FYN: variants seen among roughly 807,000 people sequenced by gnomAD.
FYN encodes FYN proto-oncogene, Src family tyrosine kinase.
In FYN, 10 loss-of-function variants were observed where a neutral mutation model predicts 70.2. The observed-to-expected ratio is 0.14, with a 90% confidence interval of 0.09 to 0.24. The LOEUF (loss-of-function observed/expected upper bound fraction) is 0.24. Among genes scored for constraint, FYN ranks in the 10% least tolerant of loss-of-function variants. The probability of loss-of-function intolerance (pLI) is 1.00; values close to 1 mark genes in which losing one functional copy is unlikely to be tolerated. For synonymous variants in FYN, 236 were observed against 248.6 expected, an observed-to-expected ratio of 0.95 and a Z score of 0.48; for missense variants, 319 against 673.1, an observed-to-expected ratio of 0.47 and a Z score of 5.82.
chr6:111,763,394 A>C (rs1803086440), intron 3 of FYN, among the ~76,000 whole-genome samples: 1 of 152,224 alleles, frequency 6.6e-6, no homozygotes, highest in African/African-American at 2.4e-5. Context: ...TTTTTGGCTT[A>C]CACTTTACTA....
intron 6 of FYN, among the ~76,000 whole-genome samples, chr6:111,705,939 C>T (rs1014458622): frequency 1.3e-5 from 2 of 152,178 alleles, no homozygotes; most frequent in African/African-American, 2.4e-5. Flanking sequence ...GGAGCCATCA[C>T]GGTGGACCCT....
intron 3 of FYN, among the ~76,000 whole-genome samples, chr6:111,759,476 GC>G (rs1393209901): frequency 6.6e-6 from 1 of 152,212 alleles, no homozygotes; most frequent in Non-Finnish European, 1.5e-5. Context: ...CAGCCCTCGT[GC>G]AGTGGTGCTA....
At chr6:111,855,907 T>C (rs1256178576) in intron 1 of FYN, among the ~76,000 whole-genome samples, 1 of 152,236 alleles carries the variant, frequency 6.6e-6, no homozygotes, top group Non-Finnish European at 1.5e-5. Flanking sequence ...GAACTCAGTG[T>C]TCAAGATTTA....
chr6:111,855,870 G>C (rs1773811457), intron 1 of FYN, among the ~76,000 whole-genome samples: 1 of 152,184 alleles, frequency 6.6e-6, no homozygotes, highest in South Asian at 2.1e-4. Context: ...CAAAAGCAAA[G>C]GAGGAACTGA....
chr6:111,741,362 T>C (rs1399111293), intron 3 of FYN, among the ~76,000 whole-genome samples: 3 of 152,222 alleles, frequency 2.0e-5, no homozygotes, highest in Non-Finnish European at 4.4e-5. Context: ...CAGTGGATGC[T>C]AATGGCTATG....
At chr6:111,830,032 A>G (rs1010573426) in intron 2 of FYN, among the ~76,000 whole-genome samples, 7 of 152,166 alleles carry the variant, frequency 4.6e-5, no homozygotes, top group Non-Finnish European at 2.9e-5. Flanking sequence ...TTTTTTTAAA[A>G]AGTGTTTCTA....
chr6:111,724,029 C>T (rs1801076528), intron 3 of FYN, among the ~76,000 whole-genome samples: 1 of 152,178 alleles, frequency 6.6e-6, no homozygotes, highest in South Asian at 2.1e-4. Flanking sequence ...GTCTGGATTA[C>T]AGCTGTGAAG....
At chr6:111,851,469 C>T (rs1773684728) in intron 1 of FYN, among the ~76,000 whole-genome samples, 1 of 152,190 alleles carries the variant, frequency 6.6e-6, no homozygotes, top group African/African-American at 2.4e-5. Flanking sequence ...CAACTTCTGA[C>T]AGAGGCAACC....
rs558757490 is a variant in FYN at position 111,684,011 on chromosome 6, G to A, written c.1274-9381C>T. 4.6e-5 allele frequency among the ~76,000 whole-genome samples: 7 copies of A among 152,314 alleles called. No homozygotes were observed. The South Asian group carries it at 8.3e-4, about 18-fold the overall frequency. On this transcript the variant is annotated intron_variant, in intron 12 of 13. Transcript: ENST00000354650. ...GTGTTTTCCAGTTATCCCCGGTGACGCACTCTGTTGAAACTTCTACTTCAA... is the reference window on the plus strand; with the variant it reads ...GTGTTTTCCAGTTATCCCCGGTGACACACTCTGTTGAAACTTCTACTTCAA...
chr6:111,715,359 G>T (rs1467404939), intron 4 of FYN, among the ~76,000 whole-genome samples: 4 of 151,964 alleles, frequency 2.6e-5, no homozygotes, highest in Admixed American at 6.6e-5. Context: ...GGGATTATAG[G>T]TGTGACCTAC....
At chr6:111,699,736 A>G in intron 9 of FYN, 1 of 1,471,502 alleles carries the variant, frequency 6.8e-7, no homozygotes, top group Non-Finnish European at 9.3e-7. Context: ...ATGCACTAGG[A>G]AAGATGGAAG....
At chr6:111,777,164 TTAG>T (rs1349819238) in intron 3 of FYN, among the ~76,000 whole-genome samples, 1 of 152,328 alleles carries the variant, frequency 6.6e-6, no homozygotes, top group East Asian at 1.9e-4. Context: ...GTTTTTATCT[TTAG>T]TTGACCGTCA....
intron 2 of FYN, among the ~76,000 whole-genome samples, chr6:111,839,459 G>C (rs73531906): frequency 0.011 from 1,655 of 152,192 alleles, 26 homozygotes; most frequent in African/African-American, 0.039. Context: ...ATATGATAAA[G>C]TGACTCGATG....
chr6:111,762,573 T>C (rs1803051352), intron 3 of FYN, among the ~76,000 whole-genome samples: 1 of 152,160 alleles, frequency 6.6e-6, no homozygotes, highest in South Asian at 2.1e-4. Flanking sequence ...AACCTGACAC[T>C]AGCATAACAT....
At chr6:111,797,877 C>T (rs1771867243) in intron 2 of FYN, among the ~76,000 whole-genome samples, 1 of 151,876 alleles carries the variant, frequency 6.6e-6, no homozygotes, top group Non-Finnish European at 1.5e-5. Flanking sequence ...ATTCTCCTGC[C>T]TCAGTCTCCT....
At chr6:111,809,022 C>T (rs1157083311) in intron 2 of FYN, among the ~76,000 whole-genome samples, 3 of 151,888 alleles carry the variant, frequency 2.0e-5, no homozygotes, top group Non-Finnish European at 4.4e-5. Flanking sequence ...TGCTTTTTTC[C>T]TAAAAGAAAC....
chr6:111,865,504 C>A (rs1286894453), intron 1 of FYN, among the ~76,000 whole-genome samples: 1 of 152,170 alleles, frequency 6.6e-6, no homozygotes, highest in African/African-American at 2.4e-5. Flanking sequence ...AGGATTACTG[C>A]GTTCTAATCA....
chr6:111,671,699 C>T (rs533454840), intron 13 of FYN, among the ~76,000 whole-genome samples: 2 of 152,210 alleles, frequency 1.3e-5, no homozygotes, highest in East Asian at 1.9e-4. Context: ...TGAGAAGGAC[C>T]CCTCAGCGCA....
At chr6:111,769,718 A>G (rs1483501640) in intron 3 of FYN, among the ~76,000 whole-genome samples, 1 of 151,980 alleles carries the variant, frequency 6.6e-6, no homozygotes, top group Non-Finnish European at 1.5e-5. Context: ...GGACTTTAAG[A>G]AAGAATGAAT....
Sources: gnomAD v4.1 joint callset for allele counts (sites outside exome capture counted in the v4.1 genomes callset) on GRCh38, gnomAD v4.1.1 for gene constraint, MANE v1.5 for transcripts, NCBI Gene and HGNC (gene_info 2026-07-23, HGNC 2026-07-21) for gene names.